NCK1: variants seen among roughly 807,000 people sequenced by gnomAD.
NCK1 encodes SH2/SH3 adapter protein NCK1.
NCK1 carries 19 observed loss-of-function variants against 36.6 expected under a neutral mutation model. The ratio of observed to expected loss-of-function variants is 0.52; its 90% CI spans 0.36 to 0.76. NCK1 has a LOEUF of 0.76. Ranked by LOEUF, NCK1 falls within the 30% of genes least tolerant of loss-of-function variation. The probability of loss-of-function intolerance (pLI) is 0.00; values close to 1 mark genes in which losing one functional copy is unlikely to be tolerated. For missense variants in NCK1, 358 were observed against 445.6 expected (o/e 0.80, Z 1.77); for synonymous variants, 165 against 156.0 (o/e 1.06, Z -0.43).
At chr3:136,903,195 A>G (rs865906579) in intron 1 of NCK1, among the ~76,000 whole-genome samples, 4 of 152,146 alleles carry the variant, frequency 2.6e-5, no homozygotes, top group Non-Finnish European at 1.5e-5. Flanking sequence ...CTTTACCATT[A>G]TATAATGACC....
chr3:136,863,128 G>A (rs1938296029), intron 1 of NCK1, among the ~76,000 whole-genome samples: 1 of 152,070 alleles, frequency 6.6e-6, no homozygotes, highest in Admixed American at 6.5e-5. Flanking sequence ...TCAAACTGAT[G>A]GACCCGGAGT....
chr3:136,875,692 A>G (rs1196808720), intron 1 of NCK1, among the ~76,000 whole-genome samples: 1 of 150,130 alleles, frequency 6.7e-6, no homozygotes, highest in Non-Finnish European at 1.5e-5. Flanking sequence ...AGACTCCCAC[A>G]CATTAATAAT....
At chr3:136,872,827 G>A (rs1013261924) in intron 1 of NCK1, among the ~76,000 whole-genome samples, 7 of 152,194 alleles carry the variant, frequency 4.6e-5, no homozygotes, top group African/African-American at 1.7e-4. Flanking sequence ...CCAAGCCTTG[G>A]TGTTGATGCT....
intron 2 of NCK1, among the ~76,000 whole-genome samples, chr3:136,935,429 CA>C (rs1940506282): frequency 1.3e-5 from 2 of 151,462 alleles, no homozygotes; most frequent in Admixed American, 6.6e-5. Context: ...CTCAATTTGA[CA>C]TTTATTGAGA....
chr3:136,900,074 C>T (rs991603798), intron 1 of NCK1: 2 of 513,228 alleles, frequency 3.9e-6, no homozygotes, highest in Non-Finnish European at 7.3e-6. Context: ...CAGGCTGCAC[C>T]ATGGTCCCTT....
chr3:136,921,165 T>A lies in NCK1; in HGVS notation c.-18-6819T>A, dbSNP rs577803141. 9.8e-5 allele frequency among the ~76,000 whole-genome samples: 15 copies of A among 152,326 alleles called. No homozygotes were observed. The South Asian group carries it at 2.9e-3, about 29-fold the overall frequency. ...GTACAACCATCTATTTCCAGAATAA[T>A]CTTCATCTTGCAAAACTTAAACTCT... On this transcript the variant is annotated intron_variant, in intron 1 of 3. Coordinates refer to ENST00000481752, the MANE Select transcript of NCK1 (RefSeq NM_001291999.2).
chr3:136,948,294 G>A lies in NCK1; in HGVS notation c.975G>A (p.Gly325=), dbSNP rs755912060. 3.1e-6 allele frequency: 5 copies of A among 1,605,700 alleles called. No individual in the cohort carries two copies. The South Asian group carries it at 5.6e-5, about 18-fold the overall frequency. The stretch of plus-strand genomic sequence containing the variant: ...TCTCAGTATCACTAAAAGCACAAGG[G>A]AAAAACAAGCATTTTAAAGTCCAAC... ...NDFSVSLKAQ[G]KNKHFKVQLK... Residue 325 remains glycine (G), a synonymous_variant, in exon 4 of 4, where the codon GGG becomes GGA. Transcript: ENST00000481752.
chr3:136,925,680 G>A (rs1473105835), intron 1 of NCK1, among the ~76,000 whole-genome samples: 2 of 152,176 alleles, frequency 1.3e-5, no homozygotes, highest in East Asian at 3.9e-4. Context: ...CATCCAGGTC[G>A]TTTTGTGCAT....
intron 2 of NCK1, among the ~76,000 whole-genome samples, chr3:136,944,793 C>T (rs62408868): frequency 0.029 from 4,443 of 152,232 alleles, 95 homozygotes; most frequent in East Asian, 0.1. Flanking sequence ...TAAAATCACA[C>T]GCTAAGAAAT....
intron 2 of NCK1, 112 bp from the exon 3 acceptor site, chr3:136,945,471 G>A: frequency 1.4e-6 from 1 of 692,220 alleles, no homozygotes; most frequent in Non-Finnish European, 2.2e-6. Context: ...ATATTTAAAA[G>A]CTTTAAAGAT....
At chr3:136,900,075 A>G (rs1299545256) in intron 1 of NCK1, 6 of 511,028 alleles carry the variant, frequency 1.2e-5, no homozygotes, top group Non-Finnish European at 2.2e-5. Context: ...AGGCTGCACC[A>G]TGGTCCCTTT....
intron 1 of NCK1, among the ~76,000 whole-genome samples, chr3:136,866,418 C>T (rs1293528656): frequency 4.6e-5 from 7 of 151,892 alleles, no homozygotes; most frequent in Non-Finnish European, 8.8e-5. Context: ...AGCGATTCTC[C>T]TACCTCAGCC....
At chr3:136,893,524 T>G (rs1939311327) in intron 1 of NCK1, among the ~76,000 whole-genome samples, 1 of 152,188 alleles carries the variant, frequency 6.6e-6, no homozygotes, top group Non-Finnish European at 1.5e-5. Flanking sequence ...GAGTTCCTTG[T>G]AGATTCTGGA....
At chr3:136,895,426 C>CT (rs1250680790) in intron 1 of NCK1, among the ~76,000 whole-genome samples, 1 of 151,638 alleles carries the variant, frequency 6.6e-6, no homozygotes, top group Non-Finnish European at 1.5e-5. Context: ...GCCATACCAC[C>CT]TTTTTTAAAA....
intron 1 of NCK1, among the ~76,000 whole-genome samples, chr3:136,871,771 G>A (rs1938625083): frequency 6.6e-6 from 1 of 152,160 alleles, no homozygotes; most frequent in Admixed American, 6.5e-5. Context: ...TGAACCATGG[G>A]GGTGGGCCTT....
At chr3:136,943,902 G>A (rs888318892) in intron 2 of NCK1, among the ~76,000 whole-genome samples, 2 of 152,098 alleles carry the variant, frequency 1.3e-5, no homozygotes, top group Non-Finnish European at 2.9e-5. Flanking sequence ...GAGAGAGTGG[G>A]CTGTGATCTT....
At chr3:136,915,839 T>A (rs1356817438) in intron 1 of NCK1, among the ~76,000 whole-genome samples, 1 of 151,794 alleles carries the variant, frequency 6.6e-6, no homozygotes, top group African/African-American at 2.4e-5. Flanking sequence ...AATTCTCCTG[T>A]CTCAGCCTCC....
Position 136,931,714 on chromosome 3 carries a change from T to G in NCK1, c.226+3487T>G, listed in dbSNP as rs536435829. On this transcript the variant is annotated intron_variant, in intron 2 of 3. Transcript: ENST00000481752. ...AACTAATACTAACTCTAGCAAATCT[T>G]ACATTCTGGTGGAGAGGTATATGAT... Among the ~76,000 whole-genome samples the G allele has an allele frequency of 1.2e-4, 19 of 152,328 alleles. No individual in the cohort carries two copies. In the South Asian group the frequency reaches 3.9e-3, roughly 32 times the overall value.
chr3:136,932,934 A>G (rs529713801), intron 2 of NCK1, among the ~76,000 whole-genome samples: 5 of 152,384 alleles, frequency 3.3e-5, no homozygotes, highest in East Asian at 3.9e-4. Context: ...AACATGCTTA[A>G]ACTAAAGAAT....
Sources: gnomAD v4.1 joint callset for allele counts (sites outside exome capture counted in the v4.1 genomes callset) on GRCh38, gnomAD v4.1.1 for gene constraint, MANE v1.5 for transcripts, NCBI Gene and HGNC (gene_info 2026-07-23, HGNC 2026-07-21) for gene names.